PSEN2: variants seen among roughly 807,000 people sequenced by gnomAD.
PSEN2 encodes presenilin-2.
PSEN2 carries 32 observed loss-of-function variants against 49.1 expected under a neutral mutation model. The ratio of observed to expected loss-of-function variants is 0.65; its 90% CI spans 0.49 to 0.88. The LOEUF (loss-of-function observed/expected upper bound fraction) is 0.88. Among genes scored for constraint, PSEN2 ranks in the 40% least tolerant of loss-of-function variants. The pLI is 0.00. For missense variants in PSEN2, 522 were observed against 586.9 expected (o/e 0.89, Z 1.14); for synonymous variants, 255 against 244.0 (o/e 1.05, Z -0.42).
intron 6 of PSEN2, among the ~76,000 whole-genome samples, chr1:226,886,980 C>T (rs74502648): frequency 0.027 from 4,039 of 152,190 alleles, 82 homozygotes; most frequent in Non-Finnish European, 0.038. Context: ...GTAACTGTGA[C>T]GAGGCAGGGT....
At position 226,893,998 on chromosome 1, in the gene PSEN2, C is replaced by T. The variant is rs201891584; in HGVS notation, c.1073-9C>T. The T allele has an allele frequency of 4.4e-6, 7 of 1,608,164 alleles. No homozygotes were observed. The highest frequency in any genetic ancestry group is 6.0e-6 in the Non-Finnish European group (7 of 1,174,486). The stretch of plus-strand genomic sequence containing the variant: ...TCTTCAGTACGGGTTACTGTCTCTC[C>T]TCACACAGGGGGCGTGAAGCTTGGC... On this transcript the variant is annotated splice_polypyrimidine_tract_variant and intron_variant, in intron 11 of 12. Coordinates refer to ENST00000366783, the MANE Select transcript of PSEN2 (RefSeq NM_000447.3).
intron 10 of PSEN2, 39 bp downstream of exon 10, chr1:226,891,400 G>A (rs750723436): frequency 6.4e-7 from 1 of 1,556,168 alleles, no homozygotes; most frequent in Non-Finnish European, 8.8e-7. Flanking sequence ...TCATCACTGG[G>A]GGGCAGCTCC....
intron 3 of PSEN2, among the ~76,000 whole-genome samples, chr1:226,879,379 C>G (rs1660834289): frequency 6.6e-6 from 1 of 152,152 alleles, no homozygotes; most frequent in African/African-American, 2.4e-5. Context: ...GAGGAGGGCC[C>G]ACACCTCTTC....
chr1:226,872,937 GGAGGCC>G (rs1452537348), intron 2 of PSEN2, among the ~76,000 whole-genome samples: 6 of 152,172 alleles, frequency 3.9e-5, no homozygotes, highest in Non-Finnish European at 7.3e-5. Context: ...CAGCACTTTG[GGAGGCC>G]GAGGTGGGTG....
At chr1:226,893,102 T>G (rs1321916418) in intron 11 of PSEN2, among the ~76,000 whole-genome samples, 1 of 152,136 alleles carries the variant, frequency 6.6e-6, no homozygotes, top group East Asian at 1.9e-4. Context: ...CTGGCTCATT[T>G]ATATTTTTAG....
chr1:226,880,213 A>G (rs6677801), intron 3 of PSEN2, among the ~76,000 whole-genome samples: 8,215 of 152,162 alleles, frequency 0.054, 700 homozygotes, highest in African/African-American at 0.18. Flanking sequence ...TCATTTCTAC[A>G]AAATATTTTA....
chr1:226,879,020 T>C (rs1660807634), intron 3 of PSEN2, among the ~76,000 whole-genome samples: 1 of 152,154 alleles, frequency 6.6e-6, no homozygotes, highest in Admixed American at 6.5e-5. Flanking sequence ...CAGTTTTTTC[T>C]CTTCAATTTC....
Position 226,888,884 on chromosome 1 carries a change from G to C in PSEN2, c.622G>C (p.Val208Leu), listed in dbSNP as rs1661546715. Residue 208 changes from valine to leucine, a missense_variant, in exon 8 of 13, where the codon GTC becomes CTC. Coordinates refer to ENST00000366783, the MANE Select transcript of PSEN2 (RefSeq NM_000447.3). ...GGACTACCCCACCCTCTTGCTGACT[G>C]TCTGGAACTTCGGGGCAGTGGGCAT... ...AMDYPTLLLT[V>L]WNFGAVGMVC... is the part of the protein sequence containing the mutation. 2 of 1,614,104 alleles carry C rather than the reference G, an allele frequency of 1.2e-6. No homozygotes were observed. The highest frequency in any genetic ancestry group is 2.7e-5 in the African/African-American group (2 of 74,936).
chr1:226,886,357 G>T (rs992332785), intron 6 of PSEN2, among the ~76,000 whole-genome samples: 4 of 152,212 alleles, frequency 2.6e-5, no homozygotes, highest in African/African-American at 7.2e-5. Context: ...GGGCAAGGAT[G>T]TGCAGAGGCC....
chr1:226,874,361 C>T (rs1571934218), intron 2 of PSEN2, among the ~76,000 whole-genome samples: 1 of 152,284 alleles, frequency 6.6e-6, no homozygotes, highest in Admixed American at 6.5e-5. Flanking sequence ...TTACTTTTGC[C>T]CCTCTAGGCT....
intron 2 of PSEN2, among the ~76,000 whole-genome samples, 164 bp from the exon 3 acceptor site, chr1:226,875,201 A>G (rs573163131): frequency 1.3e-5 from 2 of 152,244 alleles, no homozygotes; most frequent in African/African-American, 4.8e-5. Context: ...GCCAGGGAGA[A>G]CCATCCCCAA....
chr1:226,880,697 G>T lies in PSEN2; in HGVS notation c.-20-1191G>T, dbSNP rs111567390. The T allele has an allele frequency of 0.022, 35,146 of 1,611,324 alleles. 2,711 individuals carry two copies. In the African/African-American group the frequency reaches 0.24, roughly 11 times the overall value. ...CAGGCATTGTTTGAAGTTCTTCCCA[G>T]CCCAGAAACCTGCATGTGTAGATTT... On this transcript the variant is annotated intron_variant, in intron 3 of 12. Transcript: ENST00000366783.
chr1:226,887,757 C>A (rs191440796), intron 6 of PSEN2, among the ~76,000 whole-genome samples: 6 of 152,320 alleles, frequency 3.9e-5, no homozygotes, highest in Admixed American at 3.9e-4. Context: ...ACTTTGCTAG[C>A]CTTGGTTCCA....
chr1:226,891,170 G>A (rs1277754822), intron 9 of PSEN2, 108 bp from the exon 10 acceptor site: 1 of 891,084 alleles, frequency 1.1e-6, no homozygotes, highest in African/African-American at 1.7e-5. Flanking sequence ...CTGCAGGATG[G>A]AGGGTCCTGT....
intron 2 of PSEN2, among the ~76,000 whole-genome samples, chr1:226,872,283 C>G (rs1350905672): frequency 6.6e-6 from 1 of 152,154 alleles, no homozygotes; most frequent in Non-Finnish European, 1.5e-5. Context: ...ACATATATCT[C>G]GCTTATGAGT....
intron 2 of PSEN2, among the ~76,000 whole-genome samples, chr1:226,874,250 G>C (rs1305548811): frequency 2.3e-4 from 35 of 152,158 alleles, no homozygotes; most frequent in Admixed American, 2.3e-3. Flanking sequence ...CACTGGGTAC[G>C]TGACCCTCAC....
intron 6 of PSEN2, among the ~76,000 whole-genome samples, chr1:226,886,622 C>T (rs1017068753): frequency 6.6e-6 from 1 of 152,248 alleles, no homozygotes; most frequent in Non-Finnish European, 1.5e-5. Flanking sequence ...AGGTGCCTCA[C>T]AGCATTTTTT....
At chr1:226,889,099 C>A in intron 8 of PSEN2, 50 bp downstream of exon 8, 1 of 1,523,216 alleles carries the variant, frequency 6.6e-7, no homozygotes, top group Middle Eastern at 2.2e-4. Context: ...TGTCCAGGGC[C>A]AAATCGTCCC....
chr1:226,878,873 C>G (rs1230616015), intron 3 of PSEN2, among the ~76,000 whole-genome samples: 3 of 152,194 alleles, frequency 2.0e-5, no homozygotes, highest in African/African-American at 7.2e-5. Flanking sequence ...GAAAATGCAG[C>G]AACTCTTTGT....
Sources: allele counts gnomAD v4.1 joint callset (sites outside exome capture counted in the v4.1 genomes callset), GRCh38; gene constraint gnomAD v4.1.1; transcripts MANE v1.5; gene names NCBI Gene and HGNC (gene_info 2026-07-23, HGNC 2026-07-21).